Variants in SOX6 observed in about 807,000 individuals in gnomAD.
The protein encoded by SOX6 is SRY-box transcription factor 6.
Under a neutral mutation model 97.8 loss-of-function variants are expected in SOX6, and 11 were observed. The observed-to-expected ratio is 0.11, with a 90% CI of 0.07 to 0.19. The LOEUF is 0.19. SOX6 is among the 10% of genes least tolerant of loss of function. The probability of loss-of-function intolerance (pLI) is 1.00; values close to 1 mark genes in which losing one functional copy is unlikely to be tolerated. For missense variants in SOX6, 810 were observed against 1,039.5 expected (o/e 0.78, Z 3.04); for synonymous variants, 360 against 371.4 (o/e 0.97, Z 0.35).
At chr11:16,608,595 C>T (rs1462023359) in intron 4 of SOX6, among the ~76,000 whole-genome samples, 1 of 146,994 alleles carries the variant, frequency 6.8e-6, no homozygotes, top group Admixed American at 6.8e-5. Context: ...GAGGAGGAGG[C>T]GTTGAAAAAA....
At chr11:16,237,538 C>G (rs1187007808) in intron 3 of SOX6, among the ~76,000 whole-genome samples, 1 of 151,924 alleles carries the variant, frequency 6.6e-6, no homozygotes. Context: ...TCAGATCAGA[C>G]TTTGACCTAT....
intron 6 of SOX6, among the ~76,000 whole-genome samples, chr11:16,128,596 A>T (rs1295060510): frequency 6.6e-6 from 1 of 152,172 alleles, no homozygotes; most frequent in Non-Finnish European, 1.5e-5. Flanking sequence ...ATTTTCAGGG[A>T]CAGAAATGAT....
At chr11:16,240,313 TGTGGCA>T (rs1590055753) in intron 3 of SOX6, among the ~76,000 whole-genome samples, 1 of 149,646 alleles carries the variant, frequency 6.7e-6, no homozygotes, top group East Asian at 1.9e-4. Flanking sequence ...TGTGTGTGTG[TGTGGCA>T]GTGGAAGCTA....
At chr11:16,133,907 G>A (rs567977928) in intron 6 of SOX6, among the ~76,000 whole-genome samples, 6 of 152,064 alleles carry the variant, frequency 3.9e-5, no homozygotes, top group African/African-American at 7.2e-5. Context: ...GGCTGGTCCC[G>A]AACTCCTGAC....
chr11:16,588,602 C>A (rs981112892), intron 4 of SOX6, among the ~76,000 whole-genome samples: 6 of 152,100 alleles, frequency 3.9e-5, no homozygotes. Context: ...CCACTTGACC[C>A]CCCTCTCCTG....
rs893364919 is a variant in SOX6, at chr11:16,457,546, A to G, written c.-5+18769T>C. ...TATAATCTTCTCAACAACCATACCCATTTAACAGATGAAGGAATTGTGACT... is the reference window on the plus strand; with the variant it reads ...TATAATCTTCTCAACAACCATACCCGTTTAACAGATGAAGGAATTGTGACT... On this transcript the variant is annotated intron_variant, in intron 1 of 15. Transcript: ENST00000396356. Among the ~76,000 whole-genome samples the G allele has an allele frequency of 9.9e-5, 15 of 152,148 alleles. 1 individual carries two copies. Among genetic ancestry groups the G allele is most frequent in the Admixed American group, 9.2e-4 (14 of 15,256 alleles).
intron 6 of SOX6, among the ~76,000 whole-genome samples, chr11:16,116,587 T>C (rs1849352973): frequency 6.6e-6 from 1 of 152,142 alleles, no homozygotes; most frequent in African/African-American, 2.4e-5. Flanking sequence ...TAATCCAGTT[T>C]CCCCAAATGA....
chr11:16,355,664 G>A (rs988326840), intron 1 of SOX6, among the ~76,000 whole-genome samples: 26 of 151,852 alleles, frequency 1.7e-4, no homozygotes, highest in Non-Finnish European at 4.4e-5. Flanking sequence ...TTTTACCATA[G>A]TGCATAAAAT....
chr11:16,518,886 A>G (rs1861014833), intron 4 of SOX6, among the ~76,000 whole-genome samples: 1 of 152,216 alleles, frequency 6.6e-6, no homozygotes, highest in Non-Finnish European at 1.5e-5. Flanking sequence ...CTGCCTTTCA[A>G]AAAACCTCTA....
intron 1 of SOX6, among the ~76,000 whole-genome samples, chr11:16,341,764 A>G (rs1480039396): frequency 3.9e-5 from 6 of 152,066 alleles, no homozygotes; most frequent in African/African-American, 1.4e-4. Context: ...ATTCATAATC[A>G]AAGTCCTAAA....
Position 16,334,993 on chromosome 11 carries a change from T to C in SOX6, c.237+6019A>G, listed in dbSNP as rs1856413862. Among the ~76,000 whole-genome samples the C allele has an allele frequency of 2.0e-5, 3 of 152,104 alleles. No homozygotes were observed. The South Asian group carries it at 6.2e-4, about 32-fold the overall frequency. ...TCAGGGTGTAAAAATATAAAGGAAA[T>C]CAATGTGTCAACACTAGACAACATT... is the stretch of plus-strand genomic sequence containing the variant. On this transcript the variant is annotated intron_variant, in intron 2 of 15. Coordinates refer to ENST00000683767, the MANE Select transcript of SOX6 (RefSeq NM_001367873.1).
intron 1 of SOX6, among the ~76,000 whole-genome samples, chr11:16,439,122 T>C (rs1444635082): frequency 6.6e-6 from 1 of 152,160 alleles, no homozygotes; most frequent in Non-Finnish European, 1.5e-5. Context: ...AAATTAAATA[T>C]CTAAAAGCTG....
chr11:16,706,472 ATATAT>A (rs1466032423), intron 3 of SOX6, among the ~76,000 whole-genome samples: 7 of 16,504 alleles, frequency 4.2e-4, no homozygotes, highest in African/African-American at 3.3e-3. Flanking sequence ...AAAAAAAAAA[ATATAT>A]ATATATATAT....
intron 7 of SOX6, among the ~76,000 whole-genome samples, chr11:16,104,330 T>C (rs1236425265): frequency 6.6e-6 from 1 of 152,018 alleles, no homozygotes; most frequent in Non-Finnish European, 1.5e-5. Flanking sequence ...TAACACCACA[T>C]GTAAAAATTA....
At chr11:16,336,700 A>T (rs1234251245) in intron 2 of SOX6, among the ~76,000 whole-genome samples, 1 of 152,146 alleles carries the variant, frequency 6.6e-6, no homozygotes, top group Non-Finnish European at 1.5e-5. Context: ...AGAAAGTTTA[A>T]ACACTTCCCT....
At chr11:16,629,215 T>C (rs998845244) in intron 3 of SOX6, among the ~76,000 whole-genome samples, 24 of 152,216 alleles carry the variant, frequency 1.6e-4, no homozygotes, top group Non-Finnish European at 2.8e-4. Flanking sequence ...CATTCCAGCA[T>C]GACATTGGCT....
chr11:16,278,002 C>T (rs1354505485), intron 3 of SOX6, among the ~76,000 whole-genome samples: 4 of 152,154 alleles, frequency 2.6e-5, no homozygotes, highest in Non-Finnish European at 4.4e-5. Flanking sequence ...CCTGGTATTA[C>T]AGAAAGTACT....
chr11:16,153,189 A>T (rs915711569), intron 6 of SOX6, among the ~76,000 whole-genome samples: 50 of 151,950 alleles, frequency 3.3e-4, no homozygotes, highest in African/African-American at 1.2e-3. Context: ...TGTATTTTTT[A>T]GTAGAGATGG....
intron 12 of SOX6, among the ~76,000 whole-genome samples, chr11:16,024,676 G>A (rs1855165756): frequency 6.6e-6 from 1 of 151,876 alleles, no homozygotes; most frequent in Non-Finnish European, 1.5e-5. Context: ...TATGCCACTG[G>A]ACCATAAGCA....
Sources: gnomAD v4.1 joint callset for allele counts (sites outside exome capture counted in the v4.1 genomes callset) on GRCh38, gnomAD v4.1.1 for gene constraint, MANE v1.5 for transcripts, NCBI Gene and HGNC (gene_info 2026-07-23, HGNC 2026-07-21) for gene names.